Variants in RIMS1 observed in about 807,000 individuals in gnomAD.
The protein encoded by RIMS1 is regulating synaptic membrane exocytosis 1, also known as regulating synaptic membrane exocytosis protein 1.
A neutral mutation model predicts 214.1 loss-of-function variants in RIMS1; 83 were observed. That is an observed-to-expected ratio of 0.39 (90% confidence interval 0.32 to 0.47). The LOEUF is 0.47. Ranked by LOEUF, RIMS1 falls within the 20% of genes least tolerant of loss-of-function variation. RIMS1 has a pLI of 0.99. For missense variants in RIMS1, 2,050 were observed against 2,161.8 expected, an observed-to-expected ratio of 0.95 and a Z score of 1.03; for synonymous variants, 793 against 786.8, an observed-to-expected ratio of 1.01 and a Z score of -0.13.
chr6:72,170,286 A>T (rs1338963543), intron 4 of RIMS1, among the ~76,000 whole-genome samples: 1 of 152,116 alleles, frequency 6.6e-6, no homozygotes, highest in African/African-American at 2.4e-5. Context: ...TTTTGCATTT[A>T]TTCCTCAGTA....
chr6:72,373,425 T>C (rs2098278617), intron 29 of RIMS1, among the ~76,000 whole-genome samples: 2 of 152,298 alleles, frequency 1.3e-5, no homozygotes, highest in African/African-American at 4.8e-5. Flanking sequence ...CTTATTGAAG[T>C]GTGGCTGAAC....
intron 2 of RIMS1, among the ~76,000 whole-genome samples, chr6:72,010,935 A>T (rs1016905990): frequency 5.9e-5 from 9 of 151,910 alleles, no homozygotes; most frequent in Non-Finnish European, 8.8e-5. Flanking sequence ...TGCCATCCCC[A>T]TCAAGCTACC....
At chr6:72,345,531 A>G (rs1461406395) in intron 29 of RIMS1, among the ~76,000 whole-genome samples, 1 of 151,882 alleles carries the variant, frequency 6.6e-6, no homozygotes, top group Non-Finnish European at 1.5e-5. Flanking sequence ...TAAAACTTGA[A>G]GTAGAGCTTA....
intron 6 of RIMS1, among the ~76,000 whole-genome samples, chr6:72,199,870 T>G (rs1386029376): frequency 6.6e-6 from 1 of 152,072 alleles, no homozygotes; most frequent in Non-Finnish European, 1.5e-5. Flanking sequence ...GACAAATTAT[T>G]TTAAAATTAG....
At chr6:72,088,217 CTTTATTTATTTATTTA>C (rs3079733) in intron 2 of RIMS1, among the ~76,000 whole-genome samples, 29,519 of 142,738 alleles carry the variant, frequency 0.21, 3,618 homozygotes, top group Admixed American at 0.31. Flanking sequence ...TATTTATTTA[CTTTATTTATTTATTTA>C]TTTATTTATT....
At chr6:72,245,263 A>G (rs1475988214) in intron 10 of RIMS1, among the ~76,000 whole-genome samples, 1 of 151,746 alleles carries the variant, frequency 6.6e-6, no homozygotes, top group Non-Finnish European at 1.5e-5. Context: ...TATATATTAT[A>G]TATTCACATA....
At chr6:71,975,222 C>T (rs897748769) in intron 2 of RIMS1, among the ~76,000 whole-genome samples, 3 of 151,994 alleles carry the variant, frequency 2.0e-5, no homozygotes, top group Non-Finnish European at 4.4e-5. Flanking sequence ...AGTACTTAAA[C>T]GAGGATTGGA....
chr6:72,287,620 G>A (rs2092586687), intron 24 of RIMS1, among the ~76,000 whole-genome samples: 1 of 150,438 alleles, frequency 6.6e-6, no homozygotes, highest in South Asian at 2.1e-4. Context: ...TTTGGAGATG[G>A]AGTCTTGCTC....
chr6:72,385,742 A>T (rs886965819), intron 29 of RIMS1, among the ~76,000 whole-genome samples: 1 of 152,198 alleles, frequency 6.6e-6, no homozygotes, highest in African/African-American at 2.4e-5. Context: ...TGTTGCATGA[A>T]TTCTGTTTCT....
At chr6:72,180,174 A>G (rs999860003) in intron 5 of RIMS1, among the ~76,000 whole-genome samples, 1 of 152,210 alleles carries the variant, frequency 6.6e-6, no homozygotes, top group Non-Finnish European at 1.5e-5. Flanking sequence ...CCAACTTCCA[A>G]TGATGAACTC....
intron 29 of RIMS1, among the ~76,000 whole-genome samples, chr6:72,386,241 C>A (rs2098599191): frequency 6.6e-6 from 1 of 152,128 alleles, no homozygotes; most frequent in Non-Finnish European, 1.5e-5. Flanking sequence ...TAAAGTTTTT[C>A]TTTTCAGTTT....
rs150991940 is a variant in RIMS1 at position 72,301,629 on chromosome 6, C to T, written c.3851-5629C>T. Among the ~76,000 whole-genome samples the T allele has an allele frequency of 4.2e-3, 635 of 151,286 alleles. 2 individuals carry two copies. Among genetic ancestry groups the T allele is most frequent in the Middle Eastern group, 0.014 (4 of 292 alleles). Reference sequence around the variant, plus strand: ...TTAAGTTGTAAGCCATTTAATAATACGAAAGGGATAGATTTAGAAAAATGC... The same window carrying T: ...TTAAGTTGTAAGCCATTTAATAATATGAAAGGGATAGATTTAGAAAAATGC... On this transcript the variant is annotated intron_variant, in intron 26 of 33. Coordinates refer to ENST00000521978, the MANE Select transcript of RIMS1 (RefSeq NM_014989.7).
At chr6:72,284,856 T>C (rs1456564225) in intron 24 of RIMS1, among the ~76,000 whole-genome samples, 1 of 152,096 alleles carries the variant, frequency 6.6e-6, no homozygotes, top group Non-Finnish European at 1.5e-5. Flanking sequence ...ACAGGTACAG[T>C]ATGAACACAA....
rs146386460 is a variant in RIMS1, at chr6:72,209,519, A to G, written c.1679-24254A>G. On this transcript the variant is annotated intron_variant, in intron 6 of 33. Coordinates refer to ENST00000521978, the MANE Select transcript of RIMS1 (RefSeq NM_014989.7). Reference sequence around the variant, plus strand: ...TCCACAAATTGTGTCTTGAATATTGATTTATTCTGTTTTTAGCTGTATGCA... The same window carrying G: ...TCCACAAATTGTGTCTTGAATATTGGTTTATTCTGTTTTTAGCTGTATGCA... Among the ~76,000 whole-genome samples the G allele has an allele frequency of 9.8e-4, 149 of 152,260 alleles. 2 individuals are homozygous for G. Among genetic ancestry groups the G allele is most frequent in the African/African-American group, 3.4e-3 (140 of 41,562 alleles).
chr6:71,965,642 G>A (rs955571502), intron 1 of RIMS1, among the ~76,000 whole-genome samples: 1 of 152,162 alleles, frequency 6.6e-6, no homozygotes, highest in Non-Finnish European at 1.5e-5. Flanking sequence ...TTCCCCTGAG[G>A]CGGTTGCAGA....
chr6:71,989,587 G>A (rs1351269883), intron 2 of RIMS1, among the ~76,000 whole-genome samples: 1 of 152,080 alleles, frequency 6.6e-6, no homozygotes, highest in Non-Finnish European at 1.5e-5. Context: ...ACAAAATATT[G>A]GCAAACAGTT....
At position 72,056,694 on chromosome 6, in the gene RIMS1, T is replaced by C. The variant is rs1165535758; in HGVS notation, c.246-40255T>C. On this transcript the variant is annotated intron_variant, in intron 2 of 33. Coordinates refer to ENST00000521978, the MANE Select transcript of RIMS1 (RefSeq NM_014989.7). ...TGACCATTATCTTTTAAATGGGTAG[T>C]TGTCTTAGAATATTTGTCTCAATCC... Among the ~76,000 whole-genome samples the C allele has an allele frequency of 3.3e-5, 5 of 152,344 alleles. 1 individual carries two copies. In the South Asian group the frequency reaches 6.2e-4, roughly 19 times the overall value.
intron 29 of RIMS1, among the ~76,000 whole-genome samples, chr6:72,365,053 C>G (rs950117686): frequency 2.0e-5 from 3 of 152,384 alleles, no homozygotes; most frequent in African/African-American, 7.2e-5. Context: ...CCGTAGTTTT[C>G]TACCCAGAGT....
chr6:72,187,039 T>A (rs945124294), intron 6 of RIMS1, among the ~76,000 whole-genome samples: 9 of 152,030 alleles, frequency 5.9e-5, no homozygotes, highest in African/African-American at 2.2e-4. Context: ...CACAGGAGAA[T>A]TGCTTGAACC....
Sources: gnomAD v4.1 joint callset for allele counts (sites outside exome capture counted in the v4.1 genomes callset) on GRCh38, gnomAD v4.1.1 for gene constraint, MANE v1.5 for transcripts, NCBI Gene and HGNC (gene_info 2026-07-23, HGNC 2026-07-21) for gene names.